The following ELOVL6 variants were observed in gnomAD, a reference collection of about 807,000 sequenced individuals.
ELOVL6 encodes very long chain fatty acid elongase 6.
ELOVL6 carries 8 observed loss-of-function variants against 31.7 expected under a neutral mutation model. The ratio of observed to expected loss-of-function variants is 0.25; its 90% CI spans 0.15 to 0.45. ELOVL6 has a LOEUF of 0.45. Among genes scored for constraint, ELOVL6 ranks in the 20% least tolerant of loss-of-function variants. The pLI is 1.00. For missense variants in ELOVL6, 126 were observed against 326.4 expected, an observed-to-expected ratio of 0.39 and a Z score of 4.73; for synonymous variants, 101 against 117.7, an observed-to-expected ratio of 0.86 and a Z score of 0.92.
chr4:110,076,782 C>T (rs922119437), intron 2 of ELOVL6, among the ~76,000 whole-genome samples: 31 of 152,258 alleles, frequency 2.0e-4, no homozygotes, highest in Non-Finnish European at 3.4e-4. Context: ...CGAAGCAGGG[C>T]GAGGCATAAC....
intron 1 of ELOVL6, among the ~76,000 whole-genome samples, chr4:110,142,915 T>G (rs1013250724): frequency 3.3e-5 from 5 of 152,196 alleles, no homozygotes; most frequent in Admixed American, 6.6e-5. Flanking sequence ...AAAATGATTG[T>G]TGACTTGTTG....
chr4:110,085,216 T>C (rs1252808549), intron 2 of ELOVL6, among the ~76,000 whole-genome samples: 1 of 152,154 alleles, frequency 6.6e-6, no homozygotes, highest in African/African-American at 2.4e-5. Flanking sequence ...TGGAATATTC[T>C]TCTCCTAGGA....
chr4:110,058,287 GGA>G (rs199967482), intron 3 of ELOVL6, among the ~76,000 whole-genome samples: 1 of 151,230 alleles, frequency 6.6e-6, no homozygotes, highest in Non-Finnish European at 1.5e-5. Context: ...TGTGTCTGTT[GGA>G]GGGGGGGAGC....
intron 1 of ELOVL6, among the ~76,000 whole-genome samples, chr4:110,164,576 C>CA (rs983584355): frequency 1.3e-5 from 2 of 151,598 alleles, no homozygotes; most frequent in African/African-American, 4.8e-5. Context: ...CCCATCTCTA[C>CA]AAAAAATAGA....
At chr4:110,103,555 G>T (rs542667852) in intron 2 of ELOVL6, among the ~76,000 whole-genome samples, 93 of 152,114 alleles carry the variant, frequency 6.1e-4, no homozygotes, top group Middle Eastern at 3.4e-3. Context: ...CCGAATAGTT[G>T]ATAAAGGCAA....
At chr4:110,151,919 T>A (rs923965133) in intron 1 of ELOVL6, among the ~76,000 whole-genome samples, 2 of 152,196 alleles carry the variant, frequency 1.3e-5, no homozygotes, top group Non-Finnish European at 2.9e-5. Flanking sequence ...GTACATTTAA[T>A]CATCAGTCAG....
chr4:110,097,996 C>T (rs545129910), intron 2 of ELOVL6, among the ~76,000 whole-genome samples: 43 of 152,104 alleles, frequency 2.8e-4, no homozygotes, highest in African/African-American at 9.2e-4. Flanking sequence ...TTTACATTTT[C>T]GAGTAGGCTA....
At chr4:110,158,657 A>ATATATATATATATATTTTTT in intron 1 of ELOVL6, among the ~76,000 whole-genome samples, 5 of 74,156 alleles carry the variant, frequency 6.7e-5, no homozygotes, top group East Asian at 3.1e-4. Flanking sequence ...ATATATATAT[A>ATATATATATATATATTTTTT]TTTTTTTTTT....
intron 1 of ELOVL6, among the ~76,000 whole-genome samples, chr4:110,156,452 A>C (rs1360402692): frequency 6.6e-6 from 1 of 152,122 alleles, no homozygotes; most frequent in Non-Finnish European, 1.5e-5. Flanking sequence ...AGCAGAAGTC[A>C]AGGGTGGAGG....
chr4:110,139,224 A>T (rs1578509992), intron 1 of ELOVL6, among the ~76,000 whole-genome samples: 1 of 152,312 alleles, frequency 6.6e-6, no homozygotes, highest in East Asian at 1.9e-4. Flanking sequence ...AGCTGTTTTA[A>T]CTTAGGGAGC....
intron 1 of ELOVL6, among the ~76,000 whole-genome samples, chr4:110,165,178 A>C (rs1758740105): frequency 6.6e-6 from 1 of 152,212 alleles, no homozygotes; most frequent in Non-Finnish European, 1.5e-5. Flanking sequence ...CATTTGCTAG[A>C]TATCTACAAA....
chr4:110,084,320 A>AT (rs1281927960), intron 2 of ELOVL6, among the ~76,000 whole-genome samples: 457 of 115,070 alleles, frequency 4.0e-3, no homozygotes, highest in African/African-American at 8.4e-3. Flanking sequence ...TAACATATAT[A>AT]AATTTGATAT....
At chr4:110,093,088 C>G (rs1412837368) in intron 2 of ELOVL6, 1 of 449,094 alleles carries the variant, frequency 2.2e-6, no homozygotes, top group Non-Finnish European at 4.4e-6. Flanking sequence ...TTTGGTAAAA[C>G]GATTTAAAGA....
At chr4:110,113,334 C>T (rs1298670823) in intron 1 of ELOVL6, among the ~76,000 whole-genome samples, 1 of 151,966 alleles carries the variant, frequency 6.6e-6, no homozygotes, top group Admixed American at 6.6e-5. Flanking sequence ...AATCCCAATG[C>T]TTTGGGAGGG....
chr4:110,090,624 G>C (rs1756398495), intron 2 of ELOVL6, among the ~76,000 whole-genome samples: 1 of 47,784 alleles, frequency 2.1e-5, no homozygotes, highest in Non-Finnish European at 3.3e-5. Context: ...TTTTTTTCAT[G>C]AGACGGAGTC....
At chr4:110,095,028 T>C (rs1756539201) in intron 2 of ELOVL6, among the ~76,000 whole-genome samples, 1 of 152,186 alleles carries the variant, frequency 6.6e-6, no homozygotes, top group Admixed American at 6.5e-5. Context: ...TCTGGTTAAA[T>C]GAACTACCAG....
chr4:110,084,368 T>TATATATC, intron 2 of ELOVL6, among the ~76,000 whole-genome samples: 1 of 44,766 alleles, frequency 2.2e-5, no homozygotes, highest in South Asian at 6.6e-4. Context: ...ACCGCATATA[T>TATATATC]GATATATGAT....
chr4:110,057,720 A>G (rs968987431), intron 3 of ELOVL6, among the ~76,000 whole-genome samples: 2 of 151,826 alleles, frequency 1.3e-5, no homozygotes, highest in Non-Finnish European at 2.9e-5. Flanking sequence ...GTGTAGTGGC[A>G]CACACCTGTA....
chr4:110,169,807 C>CTT (rs759703117), intron 1 of ELOVL6, among the ~76,000 whole-genome samples: 22 of 136,616 alleles, frequency 1.6e-4, no homozygotes, highest in Non-Finnish European at 2.5e-4. Flanking sequence ...TTCTTTCTTT[C>CTT]TTTTTTTTTT....
Sources: allele counts gnomAD v4.1 joint callset (sites outside exome capture counted in the v4.1 genomes callset), GRCh38; gene constraint gnomAD v4.1.1; transcripts MANE v1.5; gene names NCBI Gene and HGNC (gene_info 2026-07-23, HGNC 2026-07-21).